PAM: variants seen among roughly 807,000 people sequenced by gnomAD.
The protein encoded by PAM is peptidyl-glycine alpha-amidating monooxygenase.
A neutral mutation model predicts 122.1 loss-of-function variants in PAM; 72 were observed. The observed-to-expected ratio is 0.59, with a 90% confidence interval of 0.49 to 0.72. The LOEUF (loss-of-function observed/expected upper bound fraction) is 0.72. PAM is among the 30% of genes least tolerant of loss of function. The pLI, the probability that PAM is intolerant of heterozygous loss-of-function variation, is 0.00. For missense variants in PAM, 1,106 were observed against 1,183.7 expected, an observed-to-expected ratio of 0.93 and a Z score of 0.96; for synonymous variants, 389 against 404.4, an observed-to-expected ratio of 0.96 and a Z score of 0.46.
intron 21 of PAM, among the ~76,000 whole-genome samples, chr5:103,011,067 C>T (rs1780450870): frequency 6.6e-6 from 1 of 151,996 alleles, no homozygotes; most frequent in African/African-American, 2.4e-5. Flanking sequence ...TTATAACTTA[C>T]TGGGTGACAG....
At chr5:102,795,204 AAAAAAAAAG>A (rs1199404649) in intron 1 of PAM, among the ~76,000 whole-genome samples, 4 of 150,692 alleles carry the variant, frequency 2.7e-5, no homozygotes, top group African/African-American at 9.7e-5. Flanking sequence ...AAAAAAAAAA[AAAAAAAAAG>A]AAGAGAAGAA....
At chr5:102,798,854 T>C (rs74349677) in intron 1 of PAM, among the ~76,000 whole-genome samples, 4,006 of 152,296 alleles carry the variant, frequency 0.026, 105 homozygotes, top group East Asian at 0.14. Context: ...TTAGCTTTTC[T>C]GTCTGTATCG....
chr5:102,802,699 CTG>C (rs1765095758), intron 1 of PAM, among the ~76,000 whole-genome samples: 1 of 152,140 alleles, frequency 6.6e-6, no homozygotes, highest in Admixed American at 6.5e-5. Flanking sequence ...AGTTACAACA[CTG>C]TTCCAGAATA....
chr5:102,998,692 T>A lies in PAM; in HGVS notation c.1614-4341T>A, dbSNP rs547339603. Among the ~76,000 whole-genome samples the A allele has an allele frequency of 6.6e-5, 10 of 152,308 alleles. No homozygotes were observed. In the East Asian group the frequency reaches 1.9e-3, roughly 29 times the overall value. ...ACTGGGTAAAGTGCACACAGAATTG[T>A]TTTTATTTCTTACAACTGAATATGC... is the stretch of plus-strand genomic sequence containing the variant. On this transcript the variant is annotated intron_variant, in intron 16 of 25. Coordinates refer to ENST00000438793, the MANE Select transcript of PAM (RefSeq NM_001177306.2).
At chr5:102,952,263 G>A (rs1759199493) in intron 12 of PAM, among the ~76,000 whole-genome samples, 1 of 152,086 alleles carries the variant, frequency 6.6e-6, no homozygotes, top group Non-Finnish European at 1.5e-5. Flanking sequence ...TTTGAGTTCT[G>A]TCTGTGAGGT....
intron 1 of PAM, among the ~76,000 whole-genome samples, chr5:102,860,756 C>G (rs1299975191): frequency 6.6e-6 from 1 of 151,820 alleles, no homozygotes; most frequent in Non-Finnish European, 1.5e-5. Context: ...AAAATAGTAA[C>G]AGTATGGTGG....
chr5:102,787,203 T>G (rs1453925154), intron 1 of PAM, among the ~76,000 whole-genome samples: 1 of 152,102 alleles, frequency 6.6e-6, no homozygotes, highest in Non-Finnish European at 1.5e-5. Context: ...CTATTTCAAG[T>G]GGGGTTGGGA....
intron 1 of PAM, among the ~76,000 whole-genome samples, chr5:102,851,574 A>G (rs1277425648): frequency 6.6e-6 from 1 of 152,208 alleles, no homozygotes; most frequent in Non-Finnish European, 1.5e-5. Flanking sequence ...GCTTACTGAT[A>G]AAAGATGTTG....
chr5:102,777,377 A>C (rs934843203), intron 1 of PAM, among the ~76,000 whole-genome samples: 2 of 152,022 alleles, frequency 1.3e-5, no homozygotes, highest in African/African-American at 4.8e-5. Context: ...CTAACATATA[A>C]TTTACTCCCC....
At chr5:102,941,833 CAAAAAAAAAA>C (rs70990420) in intron 7 of PAM, among the ~76,000 whole-genome samples, 73 of 58,386 alleles carry the variant, frequency 1.3e-3, no homozygotes, top group African/African-American at 3.7e-3. Context: ...CCAGATGGTA[CAAAAAAAAAA>C]AAAAAAAAAA....
At chr5:102,845,472 A>G (rs576138808) in intron 1 of PAM, among the ~76,000 whole-genome samples, 1 of 152,242 alleles carries the variant, frequency 6.6e-6, no homozygotes, top group East Asian at 1.9e-4. Flanking sequence ...TGTAATGTTC[A>G]CTTCCTACAT....
At chr5:102,897,880 A>C (rs1581461283) in intron 3 of PAM, among the ~76,000 whole-genome samples, 1 of 151,794 alleles carries the variant, frequency 6.6e-6, no homozygotes, top group Admixed American at 6.6e-5. Flanking sequence ...CATATGTAAT[A>C]ATATACAGAG....
chr5:102,828,471 A>G (rs1774334936), intron 1 of PAM, among the ~76,000 whole-genome samples: 1 of 152,138 alleles, frequency 6.6e-6, no homozygotes, highest in Admixed American at 6.5e-5. Flanking sequence ...TATAGGGACC[A>G]TGTGGTGTGC....
chr5:102,867,071 A>G (rs1785817386), intron 2 of PAM, among the ~76,000 whole-genome samples: 2 of 152,174 alleles, frequency 1.3e-5, no homozygotes, highest in South Asian at 4.1e-4. Flanking sequence ...TTTTATTTAC[A>G]AATTAGGTAT....
In PAM at chr5:103,006,940, C is replaced by T. The variant is rs1269403368; in HGVS notation, c.1943C>T (p.Ser648Leu). The T allele has an allele frequency of 6.2e-7, 1 of 1,613,904 alleles. No homozygotes were observed. The highest frequency in any genetic ancestry group is 1.3e-5 in the African/African-American group (1 of 74,916). ...VDPGTGAIYVSDGYCNSRIVQ... is the reference protein window; with the variant it reads ...VDPGTGAIYVLDGYCNSRIVQ... ...CCAGGCACTGGAGCCATTTATGTAT[C>T]AGATGGTTACTGCAACAGCAGGATT... is the stretch of plus-strand genomic sequence containing the variant. The change falls in exon 19 of 26, where the codon TCA becomes TTA. Residue 648 changes from serine (S) to leucine (L), a missense_variant. Ser to Leu is a moderately radical substitution (Grantham distance 145, BLOSUM62 -2). Transcript: ENST00000438793.
chr5:102,885,677 A>G (rs1222878981), intron 3 of PAM, among the ~76,000 whole-genome samples: 1 of 151,982 alleles, frequency 6.6e-6, no homozygotes, highest in African/African-American at 2.4e-5. Flanking sequence ...TACCTGCCCT[A>G]AATAGTTTAT....
Position 102,946,904 on chromosome 5 carries a change from C to G in PAM, c.575+19C>G. On this transcript the variant is annotated intron_variant, in intron 8 of 25. Coordinates refer to ENST00000438793, the MANE Select transcript of PAM (RefSeq NM_001177306.2). ...GTCTGCCGTAAGTACTTCCATTTTTCCTAGAGGAGCAGCAACTTTAACATC... is the reference window on the plus strand; with the variant it reads ...GTCTGCCGTAAGTACTTCCATTTTTGCTAGAGGAGCAGCAACTTTAACATC... 1 of 1,540,186 alleles carries G rather than the reference C, an allele frequency of 6.5e-7. No homozygotes were observed. Among genetic ancestry groups the G allele is most frequent in the Non-Finnish European group, 9.0e-7 (1 of 1,114,226 alleles).
intron 1 of PAM, among the ~76,000 whole-genome samples, chr5:102,838,940 A>G (rs951355454): frequency 2.6e-4 from 39 of 152,210 alleles, no homozygotes; most frequent in Non-Finnish European, 5.0e-4. Flanking sequence ...CATCATTTCC[A>G]ATTCCCTGAA....
At chr5:102,981,621 A>G (rs1324060281) in intron 15 of PAM, among the ~76,000 whole-genome samples, 2 of 152,220 alleles carry the variant, frequency 1.3e-5, no homozygotes, top group African/African-American at 4.8e-5. Flanking sequence ...AACCATGAAT[A>G]AGGGATGATC....
Sources: gnomAD v4.1 joint callset for allele counts (sites outside exome capture counted in the v4.1 genomes callset) on GRCh38, gnomAD v4.1.1 for gene constraint, MANE v1.5 for transcripts, NCBI Gene and HGNC (gene_info 2026-07-23, HGNC 2026-07-21) for gene names.